PATL2: variants seen among roughly 807,000 people sequenced by gnomAD.
PATL2 encodes the protein protein PAT1 homolog 2.
Under a neutral mutation model 77.0 loss-of-function variants are expected in PATL2, and 73 were observed. The ratio of observed to expected loss-of-function variants is 0.95; its 90% CI spans 0.78 to 1.15. The LOEUF (loss-of-function observed/expected upper bound fraction) is 1.15, where lower values mean the gene tolerates loss of function less well. Among genes scored for constraint, PATL2 ranks in the 50% most tolerant of loss-of-function variants. The probability of loss-of-function intolerance (pLI) is 0.00; values close to 1 mark genes in which losing one functional copy is unlikely to be tolerated. For missense variants in PATL2, 618 were observed against 655.4 expected (o/e 0.94, Z 0.62); for synonymous variants, 265 against 257.1 (o/e 1.03, Z -0.29).
intron 3 of PATL2, among the ~76,000 whole-genome samples, chr15:44,683,807 C>T (rs1003073160): frequency 2.6e-5 from 4 of 152,180 alleles, no homozygotes; most frequent in Non-Finnish European, 5.9e-5. Context: ...TGGGAGACAC[C>T]TCCCAGCAGG....
At chr15:44,684,541 T>G (rs1481380279) in intron 3 of PATL2, among the ~76,000 whole-genome samples, 1 of 150,470 alleles carries the variant, frequency 6.6e-6, no homozygotes, top group Non-Finnish European at 1.5e-5. Context: ...ACGACAAGAT[T>G]AGAAAAAAAA....
Position 44,711,292 on chromosome 15 carries a change from C to T in PATL2, c.-526G>A. 1 of 601,250 alleles carries T rather than the reference C, an allele frequency of 1.7e-6. No homozygotes were observed. The highest frequency in any genetic ancestry group is 3.0e-6 in the Non-Finnish European group (1 of 334,850). The allele number at this position is 601,250 out of a possible 1,614,324, so 37.2% of individuals were successfully genotyped here. A position where few individuals can be genotyped will look rare whatever the true frequency, so the allele number is the denominator to read the frequency against. ...CGGTGTCCCAAGCTGGGGCGCGCAC[C>T]CCAGATCGGAGGGCGCCGATGTACA... On this transcript the variant is annotated 5_prime_UTR_variant, in exon 1 of 18. Transcript: ENST00000682850.
intron 3 of PATL2, among the ~76,000 whole-genome samples, chr15:44,690,600 AG>A (rs2086369453): frequency 6.6e-6 from 1 of 151,998 alleles, no homozygotes; most frequent in South Asian, 2.1e-4. Flanking sequence ...GGCCTCCCAA[AG>A]TGCTGGGATT....
intron 3 of PATL2, among the ~76,000 whole-genome samples, chr15:44,689,787 C>T (rs1486462002): frequency 6.6e-6 from 1 of 152,104 alleles, no homozygotes; most frequent in Non-Finnish European, 1.5e-5. Flanking sequence ...GTGCAGCAAA[C>T]CACCATGGCA....
rs1566848954 is a variant in PATL2, at chr15:44,669,271, C to CA, written c.1064+8dup. ...TTCCTGGGCTGAGGTGGAACCCTCC[C>CA]ACACTCACTCCAGGTTGTTCTGCTC... On this transcript the variant is annotated intron_variant, in intron 13 of 17. Transcript: ENST00000682850. The CA allele has an allele frequency of 6.5e-7, 1 of 1,545,236 alleles. No homozygotes were observed. Among genetic ancestry groups the CA allele is most frequent in the Non-Finnish European group, 8.8e-7 (1 of 1,141,660 alleles).
At chr15:44,673,501 T>C (rs1046210115) in intron 6 of PATL2, 124 bp from the exon 7 acceptor site, 2 of 1,279,548 alleles carry the variant, frequency 1.6e-6, no homozygotes, top group Non-Finnish European at 1.1e-6. Flanking sequence ...CATTGTGCCA[T>C]CTTGTGAGTC....
In PATL2 at chr15:44,665,737, C is replaced by A; in HGVS notation, c.*216G>T. On this transcript the variant is annotated 3_prime_UTR_variant, in exon 18 of 18. Transcript: ENST00000682850. ...TACAAGCAAGTTCCAACACATCATT[C>A]TATTATCTCTTTAATTATACCTTAT... The A allele has an allele frequency of 7.5e-7, 1 of 1,340,812 alleles. No individual in the cohort carries two copies. Among genetic ancestry groups the A allele is most frequent in the Non-Finnish European group, 9.8e-7 (1 of 1,020,810 alleles). 83.1% of individuals were successfully genotyped at this position (1,340,812 alleles called of 1,614,324 possible). A position where few individuals can be genotyped will look rare whatever the true frequency, so the allele number is the denominator to read the frequency against.
intron 7 of PATL2, among the ~76,000 whole-genome samples, chr15:44,672,969 A>G (rs995987064): frequency 1.4e-4 from 22 of 152,186 alleles, no homozygotes; most frequent in African/African-American, 5.1e-4. Flanking sequence ...CATGTTGGCC[A>G]GGCTGGTCTC....
chr15:44,675,224 G>GTA, intron 5 of PATL2: 2 of 442,310 alleles, frequency 4.5e-6, no homozygotes, highest in East Asian at 7.8e-5. Flanking sequence ...TTTAACGCTA[G>GTA]TAGCAGGGCC....
chr15:44,668,490 A>G lies in PATL2; in HGVS notation c.1225-8T>C, dbSNP rs1345658154. The G allele has an allele frequency of 6.5e-7, 1 of 1,549,422 alleles. No individual in the cohort carries two copies. Among genetic ancestry groups the G allele is most frequent in the East Asian group, 2.4e-5 (1 of 40,900 alleles). ...GAATAACATTTGTAGGGCCTGCAAG[A>G]AGATCAGTAAGCACCTCCCAAATTC... On this transcript the variant is annotated splice_polypyrimidine_tract_variant and splice_region_variant and intron_variant, in intron 14 of 17. Coordinates refer to ENST00000682850, the MANE Select transcript of PATL2 (RefSeq NM_001387263.1).
At position 44,675,650 on chromosome 15, in the gene PATL2, G is replaced by A. The variant is rs2085918856; in HGVS notation, c.58C>T (p.Leu20=). The A allele has an allele frequency of 1.3e-6, 2 of 1,551,404 alleles. No homozygotes were observed. The highest frequency in any genetic ancestry group is 1.7e-6 in the Non-Finnish European group (2 of 1,146,910). The change falls in exon 5 of 18, where the codon CTG becomes TTG. Residue 20 remains leucine, a synonymous_variant. Coordinates refer to ENST00000682850, the MANE Select transcript of PATL2 (RefSeq NM_001387263.1). ...TTTTCCAACTGGCAGGCAGACACCA[G>A]CTCCTCCTCAGAAGCCAAGGGGCCA... The part of the protein sequence containing the change: ...TCGPLASEEE[L]VSACQLEKEE...
At chr15:44,670,275 C>T (rs943335575) in intron 9 of PATL2, among the ~76,000 whole-genome samples, 188 bp from the exon 10 acceptor site, 3 of 152,220 alleles carry the variant, frequency 2.0e-5, no homozygotes, top group Admixed American at 2.0e-4. Context: ...CTCTGGCTCA[C>T]TGCAACCTCC....
At chr15:44,706,285 CCTT>C (rs1474915278) in intron 3 of PATL2, among the ~76,000 whole-genome samples, 3 of 152,120 alleles carry the variant, frequency 2.0e-5, no homozygotes, top group East Asian at 1.9e-4. Flanking sequence ...TTGTATCTGT[CCTT>C]CTTGGGAAGG....
At chr15:44,672,563 T>G in intron 7 of PATL2, 107 bp from the exon 8 acceptor site, 1 of 1,127,218 alleles carries the variant, frequency 8.9e-7, no homozygotes, top group Non-Finnish European at 1.3e-6. Flanking sequence ...AGGAACCTTA[T>G]CTGTTTAGGT....
intron 3 of PATL2, among the ~76,000 whole-genome samples, chr15:44,698,840 A>G (rs554797061): frequency 5.6e-4 from 86 of 152,292 alleles, no homozygotes; most frequent in African/African-American, 2.0e-3. Flanking sequence ...TAGTGGCTAT[A>G]CTAATTTCCA....
At chr15:44,689,439 C>T (rs139679179) in intron 3 of PATL2, among the ~76,000 whole-genome samples, 12,274 of 152,156 alleles carry the variant, frequency 0.081, 1,223 homozygotes, top group East Asian at 0.23. Flanking sequence ...CCGTTCACAA[C>T]AGCAAAGACT....
Position 44,668,450 on chromosome 15 carries a change from T to C in PATL2, c.1257A>G (p.Lys419=), listed in dbSNP as rs2085495733. The change falls in exon 15 of 18, where the codon AAA becomes AAG. Residue 419 remains lysine, a synonymous_variant. Transcript: ENST00000682850. ...ALQMLFKPLG[K]CISHLTLHEL... is the part of the protein sequence containing the mutation. ...CGTGGAGGGTCAAGTGACTAATACA[T>C]TTGCCCAGAGGTTTGAATAACATTT... 4 of 1,551,322 alleles carry C rather than the reference T, an allele frequency of 2.6e-6. No individual in the cohort carries two copies. In the East Asian group the frequency reaches 9.8e-5, roughly 38 times the overall value.
intron 14 of PATL2, 112 bp downstream of exon 14, chr15:44,668,868 G>T: frequency 7.7e-7 from 1 of 1,294,648 alleles, no homozygotes; most frequent in Non-Finnish European, 1.0e-6. Context: ...AGCATCCCTC[G>T]CTGTGCCCAG....
At position 44,667,100 on chromosome 15, in the gene PATL2, T is replaced by G. The variant is rs2085412053; in HGVS notation, c.1463+6A>C. The G allele has an allele frequency of 6.5e-7, 1 of 1,547,854 alleles. No individual in the cohort carries two copies. The highest frequency in any genetic ancestry group is 1.4e-5 in the African/African-American group (1 of 72,926). On this transcript the variant is annotated splice_donor_region_variant and intron_variant, in intron 16 of 17. Coordinates refer to ENST00000682850, the MANE Select transcript of PATL2 (RefSeq NM_001387263.1). ...GATAGTATTTACAAGGCCTTTATGA[T>G]CTTACCAAGCTGTATGGTCACTGTT...
Sources: allele counts gnomAD v4.1 joint callset (sites outside exome capture counted in the v4.1 genomes callset), GRCh38; gene constraint gnomAD v4.1.1; transcripts MANE v1.5; gene names NCBI Gene and HGNC (gene_info 2026-07-23, HGNC 2026-07-21).